The following FBXO31 variants were observed in gnomAD, a reference collection of about 807,000 sequenced individuals.
FBXO31 encodes the protein F-box protein 31.
In FBXO31, 24 loss-of-function variants were observed where a neutral mutation model predicts 54.4. The ratio of observed to expected loss-of-function variants is 0.44; its 90% CI spans 0.32 to 0.62. FBXO31 has a LOEUF of 0.62. FBXO31 is among the 20% of genes least tolerant of loss of function. FBXO31 has a pLI of 0.05. For synonymous variants in FBXO31, 388 were observed against 335.6 expected, an observed-to-expected ratio of 1.16 and a Z score of -1.71; for missense variants, 665 against 787.1, an observed-to-expected ratio of 0.84 and a Z score of 1.86.
intron 1 of FBXO31, among the ~76,000 whole-genome samples, chr16:87,377,667 T>C (rs1356899480): frequency 6.7e-6 from 1 of 149,672 alleles, no homozygotes; most frequent in Non-Finnish European, 1.5e-5. Flanking sequence ...CTCTACAAAA[T>C]AATACAAAAA....
Position 87,383,255 on chromosome 16 carries a change from C to T in FBXO31, c.340+150G>A, listed in dbSNP as rs1160177058. 1 of 762,670 alleles carries T rather than the reference C, an allele frequency of 1.3e-6. No individual in the cohort carries two copies. Among genetic ancestry groups the T allele is most frequent in the East Asian group, 3.2e-5 (1 of 31,264 alleles). The allele number at this position is 762,670 out of a possible 1,614,324, so 47.2% of individuals were successfully genotyped here. On this transcript the variant is annotated intron_variant, in intron 1 of 8. Coordinates refer to ENST00000311635, the MANE Select transcript of FBXO31 (RefSeq NM_024735.5). This position sits in a 1 kb window ranked among gnomAD's most constrained non-coding sequence, Gnocchi z 4.9. ...AACGTGGTGTCACCGCGGCCGCTCC[C>T]CACCCACACCCAAAACACCACATCG...
At position 87,346,573 on chromosome 16, in the gene FBXO31, G is replaced by A. The variant is rs1001782744; in HGVS notation, c.489+601C>T. Among the ~76,000 whole-genome samples, 11 of 152,162 alleles carry A rather than the reference G, an allele frequency of 7.2e-5. No individual in the cohort carries two copies. The highest frequency in any genetic ancestry group is 8.8e-5 in the Non-Finnish European group (6 of 68,034). ...TCCTCACGGGTCCTCAGACCCCAAC[G>A]GCAAGCAGGCTGCCGGGAGAAGGGA... On this transcript the variant is annotated intron_variant, in intron 3 of 8. Coordinates refer to ENST00000311635, the MANE Select transcript of FBXO31 (RefSeq NM_024735.5). The surrounding 1 kb of genome is among the most constrained non-coding windows in gnomAD (Gnocchi z 4.2).
In FBXO31 at chr16:87,335,069, G is replaced by A. The variant is rs1905001635; in HGVS notation, c.996+235C>T. Among the ~76,000 whole-genome samples the A allele has an allele frequency of 6.6e-6, 1 of 152,202 alleles. No homozygotes were observed. The highest frequency in any genetic ancestry group is 6.5e-5 in the Admixed American group (1 of 15,282). On this transcript the variant is annotated intron_variant, in intron 7 of 8. Transcript: ENST00000311635. This position sits in a 1 kb window ranked among gnomAD's most constrained non-coding sequence, Gnocchi z 5.7. Reference sequence around the variant, plus strand: ...CCGGGGCTGAGCGGTGCTGTGGGAAGGCCACCTTGGAAGCACACAGACTCC... The same window carrying A: ...CCGGGGCTGAGCGGTGCTGTGGGAAAGCCACCTTGGAAGCACACAGACTCC...
Position 87,331,381 on chromosome 16 carries a change from G to A in FBXO31, c.1527C>T (p.Tyr509=). The A allele has an allele frequency of 6.2e-7, 1 of 1,614,006 alleles. No homozygotes were observed. Among genetic ancestry groups the A allele is most frequent in the Non-Finnish European group, 8.5e-7 (1 of 1,180,046 alleles). ...TCCGGAAGGTGGCCTGGACCCGGCTGTACAGGCTGAAGGATTTCAGCTCCA... is the reference window on the plus strand; with the variant it reads ...TCCGGAAGGTGGCCTGGACCCGGCTATACAGGCTGAAGGATTTCAGCTCCA... ...VWLELKSFSL[Y]SRVQATFRNA... is the part of the protein sequence containing the mutation. The change falls in exon 9 of 9, where the codon TAC becomes TAT. Residue 509 remains tyrosine (Y), a synonymous_variant. Transcript: ENST00000311635.
At chr16:87,353,896 T>G (rs1324082187) in intron 2 of FBXO31, among the ~76,000 whole-genome samples, 1 of 152,222 alleles carries the variant, frequency 6.6e-6, no homozygotes, top group Non-Finnish European at 1.5e-5. Flanking sequence ...GTTCATCTGC[T>G]CCAGCAGCCC....
At chr16:87,366,174 G>C (rs1258767569) in intron 1 of FBXO31, among the ~76,000 whole-genome samples, 5 of 152,182 alleles carry the variant, frequency 3.3e-5, no homozygotes, top group Non-Finnish European at 7.3e-5. Flanking sequence ...AAAAGGATGT[G>C]AGTGAAAACT....
rs1905377370 is a variant in FBXO31 at position 87,346,169 on chromosome 16, A to T, written c.489+1005T>A. ...CTGGGAAGGAGAGAGACCCGGAATG[A>T]GAACGGGACGCTTCCCCAAGCCTGA... On this transcript the variant is annotated intron_variant, in intron 3 of 8. Transcript: ENST00000311635. The surrounding 1 kb of genome is among the most constrained non-coding windows in gnomAD (Gnocchi z 4.2). Among the ~76,000 whole-genome samples the T allele has an allele frequency of 6.6e-6, 1 of 152,174 alleles. No homozygotes were observed. Among genetic ancestry groups the T allele is most frequent in the African/African-American group, 2.4e-5 (1 of 41,448 alleles).
intron 1 of FBXO31, among the ~76,000 whole-genome samples, chr16:87,378,331 A>T (rs1258589241): frequency 6.6e-6 from 1 of 152,274 alleles, no homozygotes; most frequent in African/African-American, 2.4e-5. Context: ...CAAATGCAAA[A>T]TAAAATGGCA....
chr16:87,348,304 C>G (rs1905484746), intron 2 of FBXO31, among the ~76,000 whole-genome samples: 1 of 152,230 alleles, frequency 6.6e-6, no homozygotes, highest in Non-Finnish European at 1.5e-5. Context: ...TGCACTGTAT[C>G]TGCACTCATG....
chr16:87,362,333 C>G (rs1906170091), intron 1 of FBXO31, among the ~76,000 whole-genome samples: 1 of 151,988 alleles, frequency 6.6e-6, no homozygotes, highest in Non-Finnish European at 1.5e-5. Context: ...TAGGGTCTCA[C>G]TATGTTGCCC....
chr16:87,376,770 C>T (rs8048834), intron 1 of FBXO31, among the ~76,000 whole-genome samples: 80,983 of 152,034 alleles, frequency 0.53, 23,782 homozygotes, highest in African/African-American at 0.71. Context: ...TCCCAGGCAG[C>T]CCAAGCTCTG....
At position 87,343,687 on chromosome 16, in the gene FBXO31, G is replaced by C. The variant is rs1277740006; in HGVS notation, c.568C>G (p.Pro190Ala). The C allele has an allele frequency of 2.5e-6, 4 of 1,614,164 alleles. No homozygotes were observed. The highest frequency in any genetic ancestry group is 2.2e-5 in the East Asian group (1 of 44,900). ...TCCATCAGGTGGATCCTGAACAGAG[G>C]CTTGAATCTCATAGGGTCATCGACG... ...PHVDDPMRFK[P>A]LFRIHLMERK... Residue 190 changes from proline (P) to alanine (A), a missense_variant, in exon 4 of 9, where the codon CCT becomes GCT. By Grantham distance (27) the Pro-to-Ala change is conservative. Transcript: ENST00000311635.
rs116603494 is a variant in FBXO31 at position 87,338,920 on chromosome 16, T to C, written c.733-2656A>G. Among the ~76,000 whole-genome samples, 3,430 of 152,256 alleles carry C rather than the reference T, an allele frequency of 0.023. 67 individuals carry two copies. The highest frequency in any genetic ancestry group is 0.054 in the African/African-American group (2,247 of 41,534). On this transcript the variant is annotated intron_variant, in intron 5 of 8. Transcript: ENST00000311635. The surrounding 1 kb of genome is among the most constrained non-coding windows in gnomAD (Gnocchi z 4.3). ...AATCATGGGGGTGGGGTCTTTTCCATGCTGCTCTCATGATAGTGAATAAGT... is the reference window on the plus strand; with the variant it reads ...AATCATGGGGGTGGGGTCTTTTCCACGCTGCTCTCATGATAGTGAATAAGT...
chr16:87,343,642 C>G lies in FBXO31; in HGVS notation c.613G>C (p.Glu205Gln). The change falls in exon 4 of 9, where the codon GAG becomes CAG. Residue 205 changes from glutamate (E) to glutamine (Q), a missense_variant. Physicochemically the swap from Glu to Gln is conservative, Grantham distance 29. Coordinates refer to ENST00000311635, the MANE Select transcript of FBXO31 (RefSeq NM_024735.5). Reference sequence around the variant, plus strand: ...GGCCCTTTGTGGCCGTACATGCACTCCACTGTGGCAGCCTTCCTCTCCATC... The same window carrying G: ...GGCCCTTTGTGGCCGTACATGCACTGCACTGTGGCAGCCTTCCTCTCCATC... The part of the protein sequence containing the change: ...HLMERKAATV[E>Q]CMYGHKGPHH... 6.2e-7 allele frequency: 1 copy of G among 1,613,894 alleles called. No homozygotes were observed. The highest frequency in any genetic ancestry group is 8.5e-7 in the Non-Finnish European group (1 of 1,179,902).
Position 87,338,669 on chromosome 16 carries a change from C to T in FBXO31, c.733-2405G>A, listed in dbSNP as rs11647079. On this transcript the variant is annotated intron_variant, in intron 5 of 8. Coordinates refer to ENST00000311635, the MANE Select transcript of FBXO31 (RefSeq NM_024735.5). The surrounding 1 kb of genome is among the most constrained non-coding windows in gnomAD (Gnocchi z 4.3). ...AGCCTGGGTACAAGGAATGGCCTCC[C>T]GGGGTGGGGGTGACCCACACAGAGA... Among the ~76,000 whole-genome samples the T allele has an allele frequency of 2.0e-5, 3 of 152,062 alleles. No homozygotes were observed. Among genetic ancestry groups the T allele is most frequent in the East Asian group, 1.9e-4 (1 of 5,174 alleles).
intron 1 of FBXO31, among the ~76,000 whole-genome samples, chr16:87,369,242 G>T (rs993356197): frequency 2.0e-5 from 3 of 151,960 alleles, no homozygotes; most frequent in Non-Finnish European, 4.4e-5. Context: ...GGCTCACGGG[G>T]ACTCAGCACC....
upstream of FBXO31, chr16:87,384,096 G>C (rs115714908): frequency 0.028 from 4,577 of 161,246 alleles, 241 homozygotes; most frequent in African/African-American, 0.1. Context: ...TAACGAGGCT[G>C]CTCGGCGACC....
Position 87,358,802 on chromosome 16 carries a change from G to A in FBXO31, c.412+1493C>T, listed in dbSNP as rs1427789562. On this transcript the variant is annotated intron_variant, in intron 2 of 8. Transcript: ENST00000311635. This position sits in a 1 kb window ranked among gnomAD's most constrained non-coding sequence, Gnocchi z 4.0. The stretch of plus-strand genomic sequence containing the variant: ...CACTCCCGGCAGGCCCCAGGCCACA[G>A]CTCACTGGGGCTCAGGAGGTGGGAG... Among the ~76,000 whole-genome samples the A allele has an allele frequency of 6.6e-6, 1 of 152,172 alleles. No individual in the cohort carries two copies. Among genetic ancestry groups the A allele is most frequent in the African/African-American group, 2.4e-5 (1 of 41,428 alleles).
At position 87,331,140 on chromosome 16, in the gene FBXO31, G is replaced by C. The variant is rs1369748559; in HGVS notation, c.*148C>G. On this transcript the variant is annotated 3_prime_UTR_variant, in exon 9 of 9. Coordinates refer to ENST00000311635, the MANE Select transcript of FBXO31 (RefSeq NM_024735.5). ...GTCTATGTCACACTCTCTACATAAA[G>C]TGCTGGGGGGTGGCTGGACTGGGCC... 1 of 673,590 alleles carries C rather than the reference G, an allele frequency of 1.5e-6. No individual in the cohort carries two copies. Among genetic ancestry groups the C allele is most frequent in the African/African-American group, 1.8e-5 (1 of 55,640 alleles). 41.7% of individuals were successfully genotyped at this position (673,590 alleles called of 1,614,324 possible). A position where few individuals can be genotyped will look rare whatever the true frequency, so the allele number is the denominator to read the frequency against.
Sources: allele counts gnomAD v4.1 joint callset (sites outside exome capture counted in the v4.1 genomes callset), GRCh38; gene constraint gnomAD v4.1.1; non-coding constraint Gnocchi (gnomAD v3.1); transcripts MANE v1.5; gene names NCBI Gene and HGNC (gene_info 2026-07-23, HGNC 2026-07-21).